Variants in PABPC4L observed in about 807,000 individuals in gnomAD.
The protein encoded by PABPC4L is poly(A) binding protein cytoplasmic 4 like.
For missense variants in PABPC4L, 452 were observed against 451.4 expected, an observed-to-expected ratio of 1.00 and a Z score of -0.01; for synonymous variants, 169 against 164.1, an observed-to-expected ratio of 1.03 and a Z score of -0.23.
rs754036854 is a variant in PABPC4L, at chr4:134,199,897, T to C, written c.*10A>G. 5 of 1,549,744 alleles carry C rather than the reference T, an allele frequency of 3.2e-6. No homozygotes were observed. Among genetic ancestry groups the C allele is most frequent in the Admixed American group, 4.0e-5 (2 of 50,410 alleles). On this transcript the variant is annotated 3_prime_UTR_variant, in exon 2 of 2. Transcript: ENST00000421491. ...TGCAGATACTAGCTGGAAAGGTACG[T>C]TTTTCTTTCCTAGTGTCTCTGGGCC...
the PABPC4L span, among the ~76,000 whole-genome samples, chr4:134,120,712 T>C: frequency 6.6e-6 from 1 of 151,600 alleles, no homozygotes; most frequent in South Asian, 2.1e-4. Context: ...AATATTTACT[T>C]CTTTGAAAAT....
At chr4:134,108,042 T>C in the PABPC4L span, among the ~76,000 whole-genome samples, 1 of 151,568 alleles carries the variant, frequency 6.6e-6, no homozygotes, top group Non-Finnish European at 1.5e-5. Flanking sequence ...TATATACTTA[T>C]AGAAATTTGA....
chr4:134,148,046 C>A, the PABPC4L span, among the ~76,000 whole-genome samples: 9 of 152,052 alleles, frequency 5.9e-5, no homozygotes, highest in Non-Finnish European at 1.2e-4. Context: ...GAAGACTGCT[C>A]ATAGAGTGGT....
At chr4:134,024,757 A>T in the PABPC4L span, among the ~76,000 whole-genome samples, 10 of 151,196 alleles carry the variant, frequency 6.6e-5, no homozygotes, top group African/African-American at 2.4e-4. Flanking sequence ...TTTTTTAATA[A>T]GTTCTTATTG....
the PABPC4L span, among the ~76,000 whole-genome samples, chr4:134,075,323 G>T: frequency 6.6e-6 from 1 of 152,010 alleles, no homozygotes; most frequent in African/African-American, 2.4e-5. Context: ...AGAGGCCAAG[G>T]TTTGAATGTT....
chr4:134,127,589 C>G, the PABPC4L span, among the ~76,000 whole-genome samples: 1 of 152,068 alleles, frequency 6.6e-6, no homozygotes, highest in Admixed American at 6.6e-5. Context: ...AGCCCCATCC[C>G]TAGGGAAAAA....
the PABPC4L span, among the ~76,000 whole-genome samples, chr4:133,999,909 CT>C: frequency 2.6e-5 from 4 of 152,062 alleles, no homozygotes; most frequent in South Asian, 8.3e-4. Flanking sequence ...AAATATTAAA[CT>C]TGATATTACA....
chr4:133,984,858 A>AG, the PABPC4L span, among the ~76,000 whole-genome samples: 3 of 151,844 alleles, frequency 2.0e-5, no homozygotes, highest in African/African-American at 7.3e-5. Context: ...GCACTCATAG[A>AG]GAAAAAAAAG....
At chr4:134,179,805 T>C in the PABPC4L span, among the ~76,000 whole-genome samples, 1 of 152,154 alleles carries the variant, frequency 6.6e-6, no homozygotes, top group African/African-American at 2.4e-5. Context: ...CATTACCTAA[T>C]GGTAAAGGCC....
At chr4:134,112,095 A>G in the PABPC4L span, among the ~76,000 whole-genome samples, 2 of 152,140 alleles carry the variant, frequency 1.3e-5, no homozygotes, top group East Asian at 3.9e-4. Context: ...AAGAAAAAAT[A>G]CACATTGCAA....
the PABPC4L span, among the ~76,000 whole-genome samples, chr4:134,096,127 C>T: frequency 6.6e-6 from 1 of 151,946 alleles, no homozygotes; most frequent in African/African-American, 2.4e-5. Flanking sequence ...GTGTTCAATG[C>T]ATTTTAAATA....
chr4:133,985,602 A>G, the PABPC4L span, among the ~76,000 whole-genome samples: 1 of 152,054 alleles, frequency 6.6e-6, no homozygotes, highest in African/African-American at 2.4e-5. Flanking sequence ...TTCTGTTTTT[A>G]GAGAGACTTC....
the PABPC4L span, among the ~76,000 whole-genome samples, chr4:134,012,436 G>A: frequency 8.5e-5 from 13 of 152,070 alleles, no homozygotes; most frequent in East Asian, 1.9e-4. Flanking sequence ...ACTCCTGCCC[G>A]CCAGAGAACA....
rs992854390 is a variant in PABPC4L at position 134,197,192 on chromosome 4, T to A, written c.*2715A>T. 1 of 151,744 alleles carries A rather than the reference T, an allele frequency of 6.6e-6. No individual in the cohort carries two copies. The highest frequency in any genetic ancestry group is 1.5e-5 in the Non-Finnish European group (1 of 67,668). 9.4% of individuals were successfully genotyped at this position (151,744 alleles called of 1,614,324 possible). A position where few individuals can be genotyped will look rare whatever the true frequency, so the allele number is the denominator to read the frequency against. ...AATACTTACCTAGTATAAGAATCTA[T>A]GTGAAACTCATATGCCAACTCTAAT... is the stretch of plus-strand genomic sequence containing the variant. On this transcript the variant is annotated 3_prime_UTR_variant, in exon 2 of 2. Coordinates refer to ENST00000421491, the MANE Select transcript of PABPC4L (RefSeq NM_001114734.2).
chr4:134,124,243 A>G, the PABPC4L span, among the ~76,000 whole-genome samples: 3 of 152,040 alleles, frequency 2.0e-5, no homozygotes, highest in African/African-American at 4.8e-5. Context: ...CAGGGTACAT[A>G]AGACCTCCTT....
chr4:134,159,063 C>T, the PABPC4L span, among the ~76,000 whole-genome samples: 1 of 152,112 alleles, frequency 6.6e-6, no homozygotes, highest in Non-Finnish European at 1.5e-5. Context: ...GCATAGGGCA[C>T]TTATCATGAA....
chr4:134,155,807 A>T, the PABPC4L span, among the ~76,000 whole-genome samples: 1 of 152,018 alleles, frequency 6.6e-6, no homozygotes, highest in Admixed American at 6.5e-5. Flanking sequence ...ACTAAAAGTC[A>T]AATGAGCTAA....
chr4:134,118,532 T>C, the PABPC4L span, among the ~76,000 whole-genome samples: 1 of 152,008 alleles, frequency 6.6e-6, no homozygotes, highest in Admixed American at 6.6e-5. Flanking sequence ...TAAAGATTAA[T>C]TTTTATCCTG....
the PABPC4L span, among the ~76,000 whole-genome samples, chr4:134,044,848 C>A: frequency 6.6e-6 from 1 of 152,122 alleles, no homozygotes; most frequent in African/African-American, 2.4e-5. Context: ...TATTATTTGG[C>A]AGTGTTATGT....
Sources: allele counts gnomAD v4.1 joint callset (sites outside exome capture counted in the v4.1 genomes callset), GRCh38; gene constraint gnomAD v4.1.1; transcripts MANE v1.5; gene names NCBI Gene and HGNC (gene_info 2026-07-23, HGNC 2026-07-21).